BTG4: variants seen among roughly 807,000 people sequenced by gnomAD.
The protein encoded by BTG4 is protein BTG4.
A neutral mutation model predicts 19.3 loss-of-function variants in BTG4; 10 were observed. That is an observed-to-expected ratio of 0.52 (90% CI 0.32 to 0.88). BTG4 has a LOEUF of 0.88. Among genes scored for constraint, BTG4 ranks in the 40% least tolerant of loss-of-function variants. The probability of loss-of-function intolerance (pLI) is 0.04; values close to 1 mark genes in which losing one functional copy is unlikely to be tolerated. For synonymous variants in BTG4, 91 were observed against 95.7 expected, an observed-to-expected ratio of 0.95 and a Z score of 0.29; for missense variants, 238 against 281.9, an observed-to-expected ratio of 0.84 and a Z score of 1.11.
At chr11:111,505,827 ATTTCTC>A (rs1246908948) in intron 1 of BTG4, among the ~76,000 whole-genome samples, 53 of 152,298 alleles carry the variant, frequency 3.5e-4, no homozygotes, top group African/African-American at 1.3e-3. Flanking sequence ...ATGAACAGAC[ATTTCTC>A]AGAAGAAGAA....
chr11:111,477,668 T>C (rs1392623385), intron 5 of BTG4, among the ~76,000 whole-genome samples: 5 of 151,894 alleles, frequency 3.3e-5, no homozygotes, highest in Non-Finnish European at 7.4e-5. Flanking sequence ...TGGAGGTGAG[T>C]TCTAAAGATT....
chr11:111,403,676 T>G, the BTG4 span, among the ~76,000 whole-genome samples: 2 of 152,190 alleles, frequency 1.3e-5, no homozygotes, highest in African/African-American at 4.8e-5. Flanking sequence ...ATTAAGCCAC[T>G]CTCACTCAAA....
chr11:111,410,624 C>T, the BTG4 span, among the ~76,000 whole-genome samples: 2 of 152,158 alleles, frequency 1.3e-5, no homozygotes, highest in Non-Finnish European at 2.9e-5. Flanking sequence ...TTGGTCAAGG[C>T]CACCTCACCT....
chr11:111,453,424 C>G, the BTG4 span: 84 of 456,516 alleles, frequency 1.8e-4, no homozygotes, highest in East Asian at 5.0e-3. Context: ...GTGTCACAGC[C>G]TGAGCTGGGC....
At chr11:111,456,870 G>C in the BTG4 span, 5 of 185,826 alleles carry the variant, frequency 2.7e-5, no homozygotes, top group African/African-American at 1.1e-4. The surrounding 1 kb of genome is among the most constrained non-coding windows in gnomAD (Gnocchi z 4.2). Flanking sequence ...TCCTTGGACA[G>C]TGGGGCTTGG....
the BTG4 span, among the ~76,000 whole-genome samples, chr11:111,395,277 C>T: frequency 6.0e-4 from 92 of 152,358 alleles, no homozygotes; most frequent in African/African-American, 1.8e-3. Context: ...TGGACAAACA[C>T]GCCTCCACAG....
the BTG4 span, among the ~76,000 whole-genome samples, chr11:111,433,895 AAAC>A: frequency 4.6e-5 from 7 of 152,204 alleles, no homozygotes; most frequent in African/African-American, 1.7e-4. Flanking sequence ...AAAAGTCAGG[AAAC>A]AACAGATGCT....
the BTG4 span, among the ~76,000 whole-genome samples, chr11:111,461,388 G>C: frequency 9.2e-5 from 14 of 152,140 alleles, no homozygotes. Flanking sequence ...AGGCATGGGG[G>C]ACTCTGGAGC....
chr11:111,499,626 C>A (rs1865947513), intron 1 of BTG4, among the ~76,000 whole-genome samples: 2 of 152,172 alleles, frequency 1.3e-5, no homozygotes, highest in Admixed American at 6.5e-5. Flanking sequence ...CCAATGATGT[C>A]ATCTCTAACT....
At chr11:111,501,432 G>C (rs1405261946) in intron 1 of BTG4, among the ~76,000 whole-genome samples, 7 of 152,170 alleles carry the variant, frequency 4.6e-5, no homozygotes, top group Admixed American at 2.0e-4. Context: ...ATATTAGGTA[G>C]TGTGCTGGCT....
At chr11:111,460,354 G>A in the BTG4 span, 1 of 152,706 alleles carries the variant, frequency 6.5e-6, no homozygotes, top group Non-Finnish European at 1.5e-5. Flanking sequence ...CTCGGGGAGT[G>A]AGAGACCCTG....
upstream of BTG4, chr11:111,514,255 T>C (rs80243552): frequency 0.024 from 3,845 of 159,560 alleles, 83 homozygotes; most frequent in Middle Eastern, 0.089. Flanking sequence ...TTTAAAGGAT[T>C]CAGAATTTTA....
the BTG4 span, among the ~76,000 whole-genome samples, chr11:111,438,759 T>A: frequency 1.3e-5 from 2 of 152,210 alleles, no homozygotes; most frequent in East Asian, 1.9e-4. Context: ...GGTGACCCCA[T>A]ACATTACCCT....
At chr11:111,401,376 G>A in the BTG4 span, among the ~76,000 whole-genome samples, 36,014 of 151,842 alleles carry the variant, frequency 0.24, 4,502 homozygotes, top group East Asian at 0.28. Context: ...CAGCTACTCA[G>A]GGGGCTGAGG....
At chr11:111,458,144 C>G in the BTG4 span, 1 of 152,788 alleles carries the variant, frequency 6.5e-6, no homozygotes, top group Non-Finnish European at 1.5e-5. Context: ...CTTGACTCTG[C>G]ACCATGTCCT....
chr11:111,407,174 T>C, the BTG4 span, among the ~76,000 whole-genome samples: 1 of 148,516 alleles, frequency 6.7e-6, no homozygotes, highest in Non-Finnish European at 1.5e-5. Flanking sequence ...TATAATACTA[T>C]GTAGTATATA....
At chr11:111,392,135 A>G in the BTG4 span, among the ~76,000 whole-genome samples, 1 of 148,710 alleles carries the variant, frequency 6.7e-6, no homozygotes, top group African/African-American at 2.5e-5. Context: ...TAGACCTAGA[A>G]CCTAGCCTCC....
chr11:111,451,431 T>A, the BTG4 span: 2 of 452,598 alleles, frequency 4.4e-6, no homozygotes, highest in Non-Finnish European at 8.9e-6. Context: ...ATAATTTGCC[T>A]CATTTAAGAC....
At chr11:111,389,732 A>T in the BTG4 span, among the ~76,000 whole-genome samples, 1 of 152,258 alleles carries the variant, frequency 6.6e-6, no homozygotes, top group African/African-American at 2.4e-5. Flanking sequence ...AAGGTATAAT[A>T]AATGTAACAG....
Sources: gnomAD v4.1 joint callset for allele counts (sites outside exome capture counted in the v4.1 genomes callset) on GRCh38, gnomAD v4.1.1 for gene constraint, Gnocchi (gnomAD v3.1) non-coding constraint, MANE v1.5 for transcripts, NCBI Gene and HGNC (gene_info 2026-07-23, HGNC 2026-07-21) for gene names.